The following BCLAF1 variants were observed in gnomAD, a reference collection of about 807,000 sequenced individuals.
BCLAF1 encodes the protein bcl-2-associated transcription factor 1.
BCLAF1 carries 10 observed loss-of-function variants against 99.5 expected under a neutral mutation model. That is an observed-to-expected ratio of 0.10 (90% CI 0.06 to 0.17). The LOEUF is 0.17. Ranked by LOEUF, BCLAF1 falls within the 10% of genes least tolerant of loss-of-function variation. The probability of loss-of-function intolerance (pLI) is 1.00; values close to 1 mark genes in which losing one functional copy is unlikely to be tolerated. For synonymous variants in BCLAF1, 255 were observed against 370.9 expected (o/e 0.69, Z 3.59); for missense variants, 636 against 1,105.8 (o/e 0.58, Z 6.02).
At chr6:136,277,137 T>C (rs1012496556) in intron 4 of BCLAF1, among the ~76,000 whole-genome samples, 7 of 152,216 alleles carry the variant, frequency 4.6e-5, no homozygotes, top group Middle Eastern at 3.2e-3. Flanking sequence ...TCACAATACA[T>C]GAAGCAACCA....
rs1049624217 is a variant in BCLAF1, at chr6:136,256,654, G to C, written c.*4456C>G. The C allele has an allele frequency of 6.6e-6, 1 of 152,344 alleles. No homozygotes were observed. Among genetic ancestry groups the C allele is most frequent in the Non-Finnish European group, 1.4e-5 (1 of 72,036 alleles). The allele number at this position is 152,344 out of a possible 1,614,324, so 9.4% of individuals were successfully genotyped here. A position where few individuals can be genotyped will look rare whatever the true frequency, so the allele number is the denominator to read the frequency against. On this transcript the variant is annotated 3_prime_UTR_variant, in exon 13 of 13. Transcript: ENST00000531224. Reference sequence around the variant, plus strand: ...GCTCGAGCCACTGCACTCTAGTCTGGGTAAGACTCCATCTCAATAAATAAA... The same window carrying C: ...GCTCGAGCCACTGCACTCTAGTCTGCGTAAGACTCCATCTCAATAAATAAA...
At chr6:136,284,130 G>GTGTATA (rs36141174) in intron 1 of BCLAF1, among the ~76,000 whole-genome samples, 10,305 of 121,704 alleles carry the variant, frequency 0.085, 451 homozygotes, top group Non-Finnish European at 0.099. Flanking sequence ...GTGTGTGTGT[G>GTGTATA]TATATATATA....
rs1782020565 is a variant in BCLAF1, at chr6:136,268,312, A to G, written c.2247T>C (p.Ser749=). ...GTGATGCTGAAGAGGATGAAGATCG[A>G]GAATGATCTTGCTCTCTTTTATGTT... ...DSKHKREQDH[S]RSSSSSASPS... The change falls in exon 10 of 13, where the codon TCT becomes TCC. Residue 749 remains serine, a synonymous_variant. Coordinates refer to ENST00000531224, the MANE Select transcript of BCLAF1 (RefSeq NM_014739.3). 2 of 1,606,974 alleles carry G rather than the reference A, an allele frequency of 1.2e-6. No homozygotes were observed. Among genetic ancestry groups the G allele is most frequent in the Non-Finnish European group, 1.7e-6 (2 of 1,177,376 alleles).
intron 6 of BCLAF1, among the ~76,000 whole-genome samples, chr6:136,275,244 A>C (rs1245893311): frequency 6.6e-6 from 1 of 152,130 alleles, no homozygotes; most frequent in African/African-American, 2.4e-5. Flanking sequence ...TGACATACTT[A>C]AAAAACACTT....
At position 136,282,613 on chromosome 6, in the gene BCLAF1, G is replaced by C. The variant is rs143802750; in HGVS notation, c.-40C>G. On this transcript the variant is annotated 5_prime_UTR_variant, in exon 2 of 13. Coordinates refer to ENST00000531224, the MANE Select transcript of BCLAF1 (RefSeq NM_014739.3). ...GTTTTATGCAGGATCAAGAAGTCAA[G>C]TGAAGTCTTTGAGATACTGTAAAAA... The C allele has an allele frequency of 1.2e-4, 18 of 152,266 alleles. 1 individual carries two copies. In the East Asian group the frequency reaches 3.5e-3, roughly 29 times the overall value. 9.4% of individuals were successfully genotyped at this position (152,266 alleles called of 1,614,324 possible).
intron 2 of BCLAF1, among the ~76,000 whole-genome samples, chr6:136,280,082 A>AC (rs1276038549): frequency 6.6e-6 from 1 of 152,204 alleles, no homozygotes. Flanking sequence ...ACTGTCGATT[A>AC]AAGACACAAC....
rs1256273114 is a variant in BCLAF1 at position 136,259,051 on chromosome 6, T to G, written c.*2059A>C. On this transcript the variant is annotated 3_prime_UTR_variant, in exon 13 of 13. Transcript: ENST00000531224. ...TCGTAAAGCGTGGAGTTAAGATGTG[T>G]TTTTAAAAAATATACAGGCTTTTTA... 1 of 152,270 alleles carries G rather than the reference T, an allele frequency of 6.6e-6. No homozygotes were observed. The highest frequency in any genetic ancestry group is 1.5e-5 in the Non-Finnish European group (1 of 67,890). 9.4% of individuals were successfully genotyped at this position (152,270 alleles called of 1,614,324 possible).
chr6:136,281,971 A>G (rs571673902), intron 2 of BCLAF1, among the ~76,000 whole-genome samples: 1 of 152,364 alleles, frequency 6.6e-6, no homozygotes, highest in Non-Finnish European at 1.5e-5. Context: ...AAACTAACGG[A>G]AAGAAAGCAT....
chr6:136,284,716 A>C (rs1468182803), intron 1 of BCLAF1, among the ~76,000 whole-genome samples: 1 of 152,234 alleles, frequency 6.6e-6, no homozygotes, highest in African/African-American at 2.4e-5. Flanking sequence ...TACTATTCTA[A>C]CGTTGGGAAT....
rs933075313 is a variant in BCLAF1 at position 136,258,185 on chromosome 6, G to C, written c.*2925C>G. 1 of 152,030 alleles carries C rather than the reference G, an allele frequency of 6.6e-6. No homozygotes were observed. The highest frequency in any genetic ancestry group is 1.5e-5 in the Non-Finnish European group (1 of 67,908). The allele number at this position is 152,030 out of a possible 1,614,324, so 9.4% of individuals were successfully genotyped here. On this transcript the variant is annotated 3_prime_UTR_variant, in exon 13 of 13. Coordinates refer to ENST00000531224, the MANE Select transcript of BCLAF1 (RefSeq NM_014739.3). ...ACATCTTACTTAAAGTGAATGAAAA[G>C]ACAATTCTTTTTACTTATTTACTAG...
At chr6:136,264,039 A>C (rs1036372871) in intron 11 of BCLAF1, among the ~76,000 whole-genome samples, 1 of 152,190 alleles carries the variant, frequency 6.6e-6, no homozygotes, top group Admixed American at 6.6e-5. Flanking sequence ...CACTAGCCAC[A>C]TAACTCTGCT....
At chr6:136,264,323 C>G (rs928640570) in intron 11 of BCLAF1, among the ~76,000 whole-genome samples, 5 of 152,172 alleles carry the variant, frequency 3.3e-5, no homozygotes, top group Non-Finnish European at 5.9e-5. Flanking sequence ...TCTCCTGCCT[C>G]AGCCTCCCGA....
chr6:136,279,726 T>C, intron 3 of BCLAF1, 37 bp downstream of exon 3: 1 of 1,492,590 alleles, frequency 6.7e-7, no homozygotes, highest in African/African-American at 1.4e-5. Context: ...TATTAACTGA[T>C]ATAATTATTT....
chr6:136,274,941 T>C (rs932811103), intron 6 of BCLAF1, among the ~76,000 whole-genome samples: 3 of 152,044 alleles, frequency 2.0e-5, no homozygotes, highest in African/African-American at 7.2e-5. Flanking sequence ...TCACTATTCA[T>C]GTAATCAGTA....
At chr6:136,267,308 G>T (rs1163176802) in intron 10 of BCLAF1, 133 bp from the exon 11 acceptor site, 2 of 1,072,334 alleles carry the variant, frequency 1.9e-6, no homozygotes, top group Non-Finnish European at 2.6e-6. Context: ...CATTGAGGAT[G>T]AAAAGGATGG....
Position 136,260,938 on chromosome 6 carries a change from A to G in BCLAF1, c.*172T>C. 1 of 620,236 alleles carries G rather than the reference A, an allele frequency of 1.6e-6. No individual in the cohort carries two copies. The highest frequency in any genetic ancestry group is 2.7e-6 in the Non-Finnish European group (1 of 373,688). The allele number at this position is 620,236 out of a possible 1,614,324, so 38.4% of individuals were successfully genotyped here. A position where few individuals can be genotyped will look rare whatever the true frequency, so the allele number is the denominator to read the frequency against. ...ACTTTATTTCAGTACAATTTTCAAC[A>G]TACAGTCTACTATTTCTCAAGATAT... On this transcript the variant is annotated 3_prime_UTR_variant, in exon 13 of 13. Coordinates refer to ENST00000531224, the MANE Select transcript of BCLAF1 (RefSeq NM_014739.3).
intron 9 of BCLAF1, chr6:136,268,987 AT>A (rs1782136114): frequency 2.2e-6 from 1 of 456,614 alleles, no homozygotes; most frequent in African/African-American, 2.2e-5. Context: ...AGGAAATATT[AT>A]TTTGAAAGAC....
intron 1 of BCLAF1, among the ~76,000 whole-genome samples, chr6:136,284,094 TTA>T (rs1237540927): frequency 2.9e-5 from 4 of 136,042 alleles, no homozygotes; most frequent in South Asian, 2.3e-4. Context: ...AAAGGCTAAT[TTA>T]TATATATATA....
intron 1 of BCLAF1, among the ~76,000 whole-genome samples, chr6:136,284,868 G>A (rs1314648997): frequency 6.6e-6 from 1 of 152,118 alleles, no homozygotes; most frequent in Non-Finnish European, 1.5e-5. Context: ...TGCAGAGGAG[G>A]TGGGCAGGGG....
Sources: gnomAD v4.1 joint callset for allele counts (sites outside exome capture counted in the v4.1 genomes callset) on GRCh38, gnomAD v4.1.1 for gene constraint, MANE v1.5 for transcripts, NCBI Gene and HGNC (gene_info 2026-07-23, HGNC 2026-07-21) for gene names.